Variants in TULP4 observed in about 807,000 individuals in gnomAD.
The protein encoded by TULP4 is TUB like protein 4.
Under a neutral mutation model 129.0 loss-of-function variants are expected in TULP4, and 16 were observed. The observed-to-expected ratio is 0.12, with a 90% CI of 0.08 to 0.19. The LOEUF (loss-of-function observed/expected upper bound fraction) is 0.19. TULP4 is among the 10% of genes least tolerant of loss of function. The pLI, the probability that TULP4 is intolerant of heterozygous loss-of-function variation, is 1.00. For synonymous variants in TULP4, 998 were observed against 854.0 expected (o/e 1.17, Z -2.94); for missense variants, 1,842 against 2,059.1 (o/e 0.89, Z 2.04).
upstream of TULP4, among the ~76,000 whole-genome samples, chr6:158,308,530 C>A (rs1370483331): frequency 6.6e-6 from 1 of 151,934 alleles, no homozygotes; most frequent in Non-Finnish European, 1.5e-5. Context: ...ACCTCCCAGA[C>A]GGGGTGGCGG....
chr6:158,426,778 G>A (rs950724598), intron 2 of TULP4, among the ~76,000 whole-genome samples: 9 of 152,174 alleles, frequency 5.9e-5, no homozygotes, highest in African/African-American at 1.9e-4. Flanking sequence ...TAGTTTGATA[G>A]GAATAGCATT....
chr6:158,319,681 C>T (rs1365152190), intron 1 of TULP4, among the ~76,000 whole-genome samples: 1 of 152,142 alleles, frequency 6.6e-6, no homozygotes, highest in Non-Finnish European at 1.5e-5. Context: ...TTTAACAAAT[C>T]TTAACAGTTT....
upstream of TULP4, among the ~76,000 whole-genome samples, chr6:158,309,264 G>A (rs1319750133): frequency 4.3e-5 from 6 of 139,590 alleles, no homozygotes; most frequent in African/African-American, 1.6e-4. Context: ...GGTCGCGGCC[G>A]GGCAGAGGCA....
At chr6:158,267,271 G>A (rs1479407256) in intron 1 of TULP4, among the ~76,000 whole-genome samples, 5 of 152,160 alleles carry the variant, frequency 3.3e-5, no homozygotes, top group African/African-American at 4.8e-5. Context: ...GATGGACACC[G>A]GGTAATTAAA....
intron 1 of TULP4, among the ~76,000 whole-genome samples, chr6:158,240,670 A>G (rs1258528836): frequency 5.4e-5 from 5 of 93,388 alleles, no homozygotes; most frequent in Admixed American, 1.2e-4. Flanking sequence ...CCTCCCTCCC[A>G]GACGGGGCAG....
chr6:158,459,106 A>T (rs377201464), intron 5 of TULP4, among the ~76,000 whole-genome samples: 2 of 152,194 alleles, frequency 1.3e-5, no homozygotes, highest in African/African-American at 2.4e-5. Context: ...TGCAGATGAC[A>T]GTCATCTCAT....
chr6:158,341,656 A>T (rs1429996092), intron 1 of TULP4, among the ~76,000 whole-genome samples: 5 of 151,928 alleles, frequency 3.3e-5, no homozygotes, highest in Non-Finnish European at 5.9e-5. Context: ...CATGTCTCTG[A>T]TTAGTGATGT....
Position 158,489,748 on chromosome 6 carries a change from G to C in TULP4, c.1631+16G>C, listed in dbSNP as rs757668362. 3.1e-6 allele frequency: 5 copies of C among 1,614,042 alleles called. No homozygotes were observed. Among genetic ancestry groups the C allele is most frequent in the Non-Finnish European group, 4.2e-6 (5 of 1,179,966 alleles). ...AACTCCCAAGGTAATCTCAGTCTTT[G>C]GGGAGATCGTCCTTTCTTGTGCCTC... is the stretch of plus-strand genomic sequence containing the variant. On this transcript the variant is annotated intron_variant, in intron 9 of 13. Coordinates refer to ENST00000367097, the MANE Select transcript of TULP4 (RefSeq NM_020245.5).
rs764891618 is a variant in TULP4 at position 158,502,765 on chromosome 6, G to A, written c.3102G>A (p.Leu1034=). 1.2e-6 allele frequency: 2 copies of A among 1,603,636 alleles called. No homozygotes were observed. The highest frequency in any genetic ancestry group is 1.7e-6 in the Non-Finnish European group (2 of 1,178,054). The change falls in exon 13 of 14, where the codon CTG becomes CTA. Residue 1034 remains leucine (L), a synonymous_variant. Coordinates refer to ENST00000367097, the MANE Select transcript of TULP4 (RefSeq NM_020245.5). The part of the protein sequence containing the change: ...TQLPARPPPA[L]YTCSQCSGTG... ...TCCCAGCGCGGCCCCCACCTGCCCT[G>A]TACACCTGCAGTCAGTGCAGTGGCA...
chr6:158,399,468 C>T (rs1359489309), intron 1 of TULP4, among the ~76,000 whole-genome samples: 7 of 152,130 alleles, frequency 4.6e-5, no homozygotes, highest in Admixed American at 2.6e-4. Context: ...TGGAGTAGAG[C>T]CTGAAGTTCT....
At chr6:158,454,032 A>G (rs1252870088) in intron 5 of TULP4, among the ~76,000 whole-genome samples, 2 of 88,330 alleles carry the variant, frequency 2.3e-5, no homozygotes, top group Non-Finnish European at 4.3e-5. Context: ...CCCCCCCCCA[A>G]GTAATTACTC....
chr6:158,310,716 C>T (rs892118807), upstream of TULP4, among the ~76,000 whole-genome samples: 2 of 152,124 alleles, frequency 1.3e-5, no homozygotes, highest in Non-Finnish European at 2.9e-5. Flanking sequence ...AGGGGCCAAA[C>T]ATTCAAACCA....
intron 1 of TULP4, among the ~76,000 whole-genome samples, chr6:158,392,461 G>A (rs963371154): frequency 5.3e-5 from 8 of 152,210 alleles, no homozygotes; most frequent in African/African-American, 1.9e-4. Context: ...GAGGCAGGTG[G>A]CTGCTACCAT....
chr6:158,429,587 C>T (rs1414524568), intron 2 of TULP4, 149 bp from the exon 3 acceptor site: 5 of 869,106 alleles, frequency 5.8e-6, no homozygotes, highest in Admixed American at 3.2e-5. Flanking sequence ...GCCTCAGTAA[C>T]GTTTTTATAG....
At chr6:158,280,890 CAGAT>C (rs1224761718), upstream of TULP4, among the ~76,000 whole-genome samples, 21 of 152,244 alleles carry the variant, frequency 1.4e-4, no homozygotes, top group South Asian at 3.5e-3. Context: ...AATAAATGGA[CAGAT>C]GGATGGATAA....
chr6:158,274,737 C>A (rs174491), intron 1 of TULP4, among the ~76,000 whole-genome samples: 54 of 151,914 alleles, frequency 3.6e-4, no homozygotes, highest in African/African-American at 1.0e-3. Context: ...AGATTGCGCC[C>A]CTGCACTCCA....
intron 8 of TULP4, chr6:158,481,596 C>T (rs935903154): frequency 1.6e-5 from 7 of 429,082 alleles, no homozygotes; most frequent in Middle Eastern, 6.3e-4. Flanking sequence ...TCACAGTTAC[C>T]GAGTATTCAT....
intron 3 of TULP4, among the ~76,000 whole-genome samples, chr6:158,438,472 C>CACGT (rs1554291403): frequency 1.3e-5 from 2 of 152,180 alleles, no homozygotes; most frequent in Non-Finnish European, 2.9e-5. Flanking sequence ...CTGCTGAGGG[C>CACGT]TTCCTTTGTC....
At chr6:158,439,367 A>G (rs1474706726) in intron 3 of TULP4, among the ~76,000 whole-genome samples, 2 of 152,112 alleles carry the variant, frequency 1.3e-5, no homozygotes, top group African/African-American at 4.8e-5. Context: ...CTGTAAGCAG[A>G]ATTCAGCCTC....
Sources: gnomAD v4.1 joint callset for allele counts (sites outside exome capture counted in the v4.1 genomes callset) on GRCh38, gnomAD v4.1.1 for gene constraint, MANE v1.5 for transcripts, NCBI Gene and HGNC (gene_info 2026-07-23, HGNC 2026-07-21) for gene names.